The following HPCAL1 variants were observed in gnomAD, a reference collection of about 807,000 sequenced individuals.
The protein encoded by HPCAL1 is hippocalcin-like protein 1.
Under a neutral mutation model 17.1 loss-of-function variants are expected in HPCAL1, and 8 were observed. That is an observed-to-expected ratio of 0.47 (90% CI 0.27 to 0.84). The LOEUF is 0.84. Among genes scored for constraint, HPCAL1 ranks in the 40% least tolerant of loss-of-function variants. HPCAL1 has a pLI of 0.13. For synonymous variants in HPCAL1, 112 were observed against 111.4 expected, an observed-to-expected ratio of 1.01 and a Z score of -0.03; for missense variants, 165 against 271.1, an observed-to-expected ratio of 0.61 and a Z score of 2.75.
chr2:10,400,217 G>A (rs578046246), intron 2 of HPCAL1, among the ~76,000 whole-genome samples: 4 of 152,298 alleles, frequency 2.6e-5, no homozygotes, highest in Admixed American at 2.0e-4. Flanking sequence ...CAGCCAGGTC[G>A]GAGTGGGTCA....
At chr2:10,307,258 TCTC>T (rs1662685396) in intron 1 of HPCAL1, among the ~76,000 whole-genome samples, 1 of 152,194 alleles carries the variant, frequency 6.6e-6, no homozygotes, top group Admixed American at 6.5e-5. Context: ...GGTGCGTGGT[TCTC>T]CTCTTGGAAG....
chr2:10,419,658 T>C lies in HPCAL1; in HGVS notation c.-24-76T>C, dbSNP rs1178116429. 7.1e-7 allele frequency: 1 copy of C among 1,418,252 alleles called. No individual in the cohort carries two copies. Among genetic ancestry groups the C allele is most frequent in the Non-Finnish European group, 9.4e-7 (1 of 1,061,294 alleles). The allele number at this position is 1,418,252 out of a possible 1,614,324, so 87.9% of individuals were successfully genotyped here. Reference sequence around the variant, plus strand: ...AGCGCTTGCACAGCGATGGGCTTATTTGGTCTCTCCGGCACATGGCTCAGC... The same window carrying C: ...AGCGCTTGCACAGCGATGGGCTTATCTGGTCTCTCCGGCACATGGCTCAGC... On this transcript the variant is annotated intron_variant, in intron 2 of 4. Transcript: ENST00000307845. The surrounding 1 kb of genome is among the most constrained non-coding windows in gnomAD (Gnocchi z 5.0).
intron 2 of HPCAL1, among the ~76,000 whole-genome samples, chr2:10,418,169 C>T (rs895932082): frequency 6.6e-6 from 1 of 152,148 alleles, no homozygotes; most frequent in African/African-American, 2.4e-5. Flanking sequence ...ATACTCCTAA[C>T]ACTTTGAGAG....
intron 1 of HPCAL1, among the ~76,000 whole-genome samples, chr2:10,369,942 C>T (rs1667106316): frequency 1.3e-5 from 2 of 152,196 alleles, no homozygotes; most frequent in Admixed American, 1.3e-4. Context: ...TTGGAAAAAA[C>T]AACTTTCTCC....
intron 1 of HPCAL1, among the ~76,000 whole-genome samples, chr2:10,390,177 TCCAGA>T (rs1311841740): frequency 2.6e-5 from 4 of 152,218 alleles, no homozygotes; most frequent in African/African-American, 9.7e-5. Context: ...GGGTGGTCTT[TCCAGA>T]CCTTCACCTG....
intron 1 of HPCAL1, among the ~76,000 whole-genome samples, chr2:10,373,010 G>A (rs893583015): frequency 8.5e-5 from 13 of 152,260 alleles, no homozygotes; most frequent in African/African-American, 1.9e-4. Flanking sequence ...ACACACAGGC[G>A]CTGCCTGACT....
rs375088299 is a variant in HPCAL1, at chr2:10,372,045, A to G, written c.-110-24790A>G. On this transcript the variant is annotated intron_variant, in intron 1 of 4. Coordinates refer to ENST00000307845, the MANE Select transcript of HPCAL1 (RefSeq NM_002149.4). The stretch of plus-strand genomic sequence containing the variant: ...TTTTGCAGATGAAGGAATACACACA[A>G]TGGTCATCTTTGTCTTATTTGAAAG... Among the ~76,000 whole-genome samples, 15 of 152,340 alleles carry G rather than the reference A, an allele frequency of 9.8e-5. 1 individual carries two copies. The highest frequency in any genetic ancestry group is 3.1e-4 in the African/African-American group (13 of 41,570).
At chr2:10,334,860 T>G (rs568967728) in intron 1 of HPCAL1, among the ~76,000 whole-genome samples, 1 of 152,264 alleles carries the variant, frequency 6.6e-6, no homozygotes, top group South Asian at 2.1e-4. Flanking sequence ...GTATTTTTTA[T>G]AGAGTCAGGG....
chr2:10,427,594 G>T lies in HPCAL1; in HGVS notation c.*773G>T, dbSNP rs367737742. 2 of 152,256 alleles carry T rather than the reference G, an allele frequency of 1.3e-5. No homozygotes were observed. The highest frequency in any genetic ancestry group is 3.9e-4 in the East Asian group (2 of 5,188). 9.4% of individuals were successfully genotyped at this position (152,256 alleles called of 1,614,324 possible). On this transcript the variant is annotated 3_prime_UTR_variant, in exon 5 of 5. Transcript: ENST00000307845. ...GGTCTGGCATTTCCGGTATTAAAATGATAAAATAAATGGCATTTTCTGAGT... is the reference window on the plus strand; with the variant it reads ...GGTCTGGCATTTCCGGTATTAAAATTATAAAATAAATGGCATTTTCTGAGT...
chr2:10,413,657 T>G (rs1670483186), intron 2 of HPCAL1, among the ~76,000 whole-genome samples: 1 of 152,238 alleles, frequency 6.6e-6, no homozygotes, highest in Non-Finnish European at 1.5e-5. Context: ...GTGTGCTCAC[T>G]GGGTTTGGCA....
At chr2:10,380,585 C>T (rs1188039572) in intron 1 of HPCAL1, among the ~76,000 whole-genome samples, 1 of 152,200 alleles carries the variant, frequency 6.6e-6, no homozygotes, top group African/African-American at 2.4e-5. Flanking sequence ...GGCTGAGCTA[C>T]TTCTGTCTGG....
chr2:10,355,194 G>A (rs1666069667), intron 1 of HPCAL1, among the ~76,000 whole-genome samples: 1 of 152,138 alleles, frequency 6.6e-6, no homozygotes, highest in South Asian at 2.1e-4. Context: ...GCTCACGCCT[G>A]TAATCCCAGC....
At position 10,398,291 on chromosome 2, in the gene HPCAL1, T is replaced by A. The variant is rs529411151; in HGVS notation, c.-25+1371T>A. 2.6e-5 allele frequency among the ~76,000 whole-genome samples: 4 copies of A among 152,304 alleles called. No individual in the cohort carries two copies. In the South Asian group the frequency reaches 8.3e-4, roughly 32 times the overall value. On this transcript the variant is annotated intron_variant, in intron 2 of 4. Transcript: ENST00000307845. ...GTTTGGCAGGGTCCTGTATAAGGAT[T>A]AAAGTCCTCCAAGTCCTCATACAAA... is the stretch of plus-strand genomic sequence containing the variant.
intron 1 of HPCAL1, among the ~76,000 whole-genome samples, chr2:10,338,369 G>T (rs1353786477): frequency 6.6e-6 from 1 of 152,162 alleles, no homozygotes; most frequent in African/African-American, 2.4e-5. Flanking sequence ...AGAGAATGGG[G>T]TGTGAACTTT....
chr2:10,419,957 A>G lies in HPCAL1; in HGVS notation c.200A>G (p.His67Arg), dbSNP rs1488360858. ...GGCGACGCTTCCAAGTTCGCCGAGC[A>G]CGTCTTCCGCACCTTCGACACCAAC... ...PYGDASKFAE[H>R]VFRTFDTNGD... is the part of the protein sequence containing the mutation. Residue 67 changes from histidine (H) to arginine (R), a missense_variant, in exon 3 of 5, where the codon CAC (histidine) becomes CGC (arginine). By Grantham distance (29) the His-to-Arg change is conservative. Coordinates refer to ENST00000307845, the MANE Select transcript of HPCAL1 (RefSeq NM_002149.4). This position sits in a 1 kb window ranked among gnomAD's most constrained non-coding sequence, Gnocchi z 5.0. 1 of 1,613,952 alleles carries G rather than the reference A, an allele frequency of 6.2e-7. No homozygotes were observed.
intron 1 of HPCAL1, among the ~76,000 whole-genome samples, chr2:10,376,148 A>G (rs938058224): frequency 6.6e-6 from 1 of 152,228 alleles, no homozygotes; most frequent in African/African-American, 2.4e-5. Context: ...AAGCTACACC[A>G]GAAGCAGATG....
rs144458342 is a variant in HPCAL1, at chr2:10,412,157, C to G, written c.-24-7577C>G. 5.3e-5 allele frequency among the ~76,000 whole-genome samples: 8 copies of G among 152,332 alleles called. No homozygotes were observed. The East Asian group carries it at 1.5e-3, about 29-fold the overall frequency. ...ACGAAGGCTCTATTCCACGCAGTCA[C>G]GCAAGGACTTAAGTTTCTTCTTTTT... On this transcript the variant is annotated intron_variant, in intron 2 of 4. Coordinates refer to ENST00000307845, the MANE Select transcript of HPCAL1 (RefSeq NM_002149.4).
chr2:10,421,590 A>G (rs1366327587), intron 3 of HPCAL1, among the ~76,000 whole-genome samples: 2 of 152,178 alleles, frequency 1.3e-5, no homozygotes, highest in Admixed American at 1.3e-4. Flanking sequence ...AGTCCCAGCT[A>G]CTTGGGAGGC....
chr2:10,412,216 G>A (rs77783898), intron 2 of HPCAL1, among the ~76,000 whole-genome samples: 7,082 of 152,260 alleles, frequency 0.047, 233 homozygotes, highest in Middle Eastern at 0.12. Context: ...TTTCTCAGCC[G>A]GGGTTCCAGG....
Sources: allele counts gnomAD v4.1 joint callset (sites outside exome capture counted in the v4.1 genomes callset), GRCh38; gene constraint gnomAD v4.1.1; non-coding constraint Gnocchi (gnomAD v3.1); transcripts MANE v1.5; gene names NCBI Gene and HGNC (gene_info 2026-07-23, HGNC 2026-07-21).